MACO1: variants seen among roughly 807,000 people sequenced by gnomAD.
The protein encoded by MACO1 is macoilin 1, also known as macoilin.
MACO1 carries 14 observed loss-of-function variants against 78.7 expected under a neutral mutation model. The ratio of observed to expected loss-of-function variants is 0.18; its 90% CI spans 0.12 to 0.28. The LOEUF (loss-of-function observed/expected upper bound fraction) is 0.28, where lower values mean the gene tolerates loss of function less well. Among genes scored for constraint, MACO1 ranks in the 10% least tolerant of loss-of-function variants. The pLI is 1.00. For synonymous variants in MACO1, 288 were observed against 291.6 expected (o/e 0.99, Z 0.12); for missense variants, 501 against 799.0 (o/e 0.63, Z 4.50).
At chr1:25,491,674 G>A (rs1571991934) in intron 10 of MACO1, 90 bp downstream of exon 10, 1 of 1,118,868 alleles carries the variant, frequency 8.9e-7, no homozygotes, top group Non-Finnish European at 1.3e-6. Context: ...TCTCAACCAA[G>A]GGGCATTTCA....
chr1:25,474,674 A>G (rs2043304145), intron 6 of MACO1, among the ~76,000 whole-genome samples: 1 of 152,162 alleles, frequency 6.6e-6, no homozygotes, highest in Non-Finnish European at 1.5e-5. Flanking sequence ...CTCAAACTAT[A>G]CTGTGCAGAG....
At chr1:25,488,244 GTC>G (rs1394397439) in intron 8 of MACO1, among the ~76,000 whole-genome samples, 1 of 152,024 alleles carries the variant, frequency 6.6e-6, no homozygotes, top group African/African-American at 2.4e-5. Context: ...TAGAGACAGG[GTC>G]TCTCTGTGTT....
chr1:25,462,787 A>G (rs970275501), intron 6 of MACO1, among the ~76,000 whole-genome samples: 2 of 56,084 alleles, frequency 3.6e-5, no homozygotes, highest in Non-Finnish European at 9.6e-5. Context: ...ATTCCCTGTA[A>G]AAGGGCGGGC....
intron 6 of MACO1, among the ~76,000 whole-genome samples, chr1:25,461,392 A>G (rs532205901): frequency 2.1e-4 from 32 of 152,164 alleles, no homozygotes; most frequent in Non-Finnish European, 4.3e-4. Flanking sequence ...AATACTATGC[A>G]AAGAATATAG....
At chr1:25,431,930 A>G (rs1443308952) in intron 1 of MACO1, among the ~76,000 whole-genome samples, 8 of 132,962 alleles carry the variant, frequency 6.0e-5, no homozygotes, top group Non-Finnish European at 1.1e-4. Flanking sequence ...TTTTTTTTTC[A>G]TCCGCAAGAA....
At chr1:25,495,177 CTTGGAAAA>C (rs939177387) in intron 10 of MACO1, among the ~76,000 whole-genome samples, 2 of 152,124 alleles carry the variant, frequency 1.3e-5, no homozygotes, top group African/African-American at 4.8e-5. Context: ...GTTTTGCAAA[CTTGGAAAA>C]GATTCCCCCT....
chr1:25,484,475 A>G (rs61775193), intron 7 of MACO1, among the ~76,000 whole-genome samples: 65,569 of 152,086 alleles, frequency 0.43, 15,075 homozygotes, highest in East Asian at 0.73. Context: ...GCCACAAAAC[A>G]GTTTATTAAT....
chr1:25,460,406 GTTT>G (rs1175896905), intron 6 of MACO1, among the ~76,000 whole-genome samples: 1 of 140,170 alleles, frequency 7.1e-6, no homozygotes, highest in Admixed American at 7.2e-5. Flanking sequence ...TCCTACACAT[GTTT>G]TTTTTTTTTT....
chr1:25,457,349 C>A (rs951744259), intron 5 of MACO1, among the ~76,000 whole-genome samples: 2 of 152,080 alleles, frequency 1.3e-5, no homozygotes, highest in Non-Finnish European at 2.9e-5. Flanking sequence ...TGATCTCAAG[C>A]AATCCTCCCA....
At chr1:25,469,762 G>A (rs1383597247) in intron 6 of MACO1, among the ~76,000 whole-genome samples, 4 of 149,770 alleles carry the variant, frequency 2.7e-5, no homozygotes, top group Admixed American at 6.7e-5. Flanking sequence ...TCAGCCTCCC[G>A]AGTAGCTGGG....
At chr1:25,456,271 A>G (rs906209952) in intron 4 of MACO1, among the ~76,000 whole-genome samples, 4 of 152,096 alleles carry the variant, frequency 2.6e-5, no homozygotes, top group African/African-American at 9.7e-5. Context: ...AAAAAAAAAA[A>G]AAGGGTACAG....
chr1:25,443,689 T>C (rs1251440899), intron 1 of MACO1, among the ~76,000 whole-genome samples: 1 of 152,238 alleles, frequency 6.6e-6, no homozygotes, highest in Non-Finnish European at 1.5e-5. Flanking sequence ...TACCATTCTT[T>C]GGATAATCCT....
At chr1:25,438,793 C>T (rs1010896950) in intron 1 of MACO1, among the ~76,000 whole-genome samples, 1 of 152,142 alleles carries the variant, frequency 6.6e-6, no homozygotes, top group Admixed American at 6.5e-5. Context: ...ATCCCAGCTA[C>T]TTGGGAGACT....
intron 1 of MACO1, among the ~76,000 whole-genome samples, chr1:25,433,969 T>C (rs1472431233): frequency 2.6e-5 from 4 of 152,374 alleles, no homozygotes; most frequent in Admixed American, 2.0e-4. Flanking sequence ...AGTTGCTGTT[T>C]GGTCTTGCTT....
intron 4 of MACO1, among the ~76,000 whole-genome samples, chr1:25,455,697 C>T (rs2124583923): frequency 6.6e-6 from 1 of 152,210 alleles, no homozygotes; most frequent in Non-Finnish European, 1.5e-5. Flanking sequence ...GTGATACAAA[C>T]CAAATCTTGG....
intron 3 of MACO1, among the ~76,000 whole-genome samples, chr1:25,452,917 G>C (rs2043080376): frequency 6.6e-6 from 1 of 151,464 alleles, no homozygotes; most frequent in South Asian, 2.1e-4. Flanking sequence ...GGCTGGTCTT[G>C]AACTCCTGAC....
chr1:25,458,280 A>T, intron 5 of MACO1, 111 bp from the exon 6 acceptor site: 1 of 1,423,136 alleles, frequency 7.0e-7, no homozygotes, highest in Non-Finnish European at 9.4e-7. Flanking sequence ...GTGCAAACTA[A>T]TGTGAATTTC....
intron 10 of MACO1, among the ~76,000 whole-genome samples, chr1:25,495,509 G>A (rs971959827): frequency 6.6e-6 from 1 of 152,092 alleles, no homozygotes; most frequent in African/African-American, 2.4e-5. Flanking sequence ...AGTGAGGGGG[G>A]CAGTTCCTTT....
chr1:25,449,463 G>C (rs1273854304), intron 3 of MACO1, among the ~76,000 whole-genome samples: 2 of 152,076 alleles, frequency 1.3e-5, no homozygotes, highest in African/African-American at 4.8e-5. Context: ...CTCATATTAA[G>C]CCAGAATTTT....
Sources: gnomAD v4.1 joint callset for allele counts (sites outside exome capture counted in the v4.1 genomes callset) on GRCh38, gnomAD v4.1.1 for gene constraint, MANE v1.5 for transcripts, NCBI Gene and HGNC (gene_info 2026-07-23, HGNC 2026-07-21) for gene names.